DAB1: variants seen among roughly 807,000 people sequenced by gnomAD.
DAB1 encodes DAB adaptor protein 1.
Under a neutral mutation model 64.6 loss-of-function variants are expected in DAB1, and 15 were observed. The ratio of observed to expected loss-of-function variants is 0.23; its 90% CI spans 0.16 to 0.36. DAB1 has a LOEUF of 0.36. DAB1 is among the 10% of genes least tolerant of loss of function. The probability of loss-of-function intolerance (pLI) is 1.00; values close to 1 mark genes in which losing one functional copy is unlikely to be tolerated. For missense variants in DAB1, 596 were observed against 706.7 expected, an observed-to-expected ratio of 0.84 and a Z score of 1.78; for synonymous variants, 235 against 251.9, an observed-to-expected ratio of 0.93 and a Z score of 0.64.
chr1:57,703,055 C>A (rs1285900655), intron 6 of DAB1, among the ~76,000 whole-genome samples: 1 of 151,990 alleles, frequency 6.6e-6, no homozygotes, highest in Non-Finnish European at 1.5e-5. Context: ...AGATTAAGAA[C>A]TTAAATTTAA....
intron 5 of DAB1, among the ~76,000 whole-genome samples, chr1:58,080,791 G>A (rs766182534): frequency 3.3e-5 from 5 of 152,184 alleles, no homozygotes; most frequent in Non-Finnish European, 5.9e-5. Context: ...TCTGATTTGA[G>A]GAATGTTTGG....
intron 3 of DAB1, among the ~76,000 whole-genome samples, chr1:58,390,541 G>A (rs1157648570): frequency 1.3e-5 from 2 of 152,138 alleles, no homozygotes; most frequent in Non-Finnish European, 2.9e-5. Flanking sequence ...GGGGACGTGG[G>A]ATCAGTCTTA....
intron 4 of DAB1, among the ~76,000 whole-genome samples, chr1:58,320,101 C>T (rs1662648083): frequency 6.6e-6 from 1 of 152,230 alleles, no homozygotes. Flanking sequence ...AATCCACACT[C>T]TTCTGCCTGC....
At chr1:58,266,672 C>T (rs1319788198) in intron 4 of DAB1, among the ~76,000 whole-genome samples, 3 of 152,160 alleles carry the variant, frequency 2.0e-5, no homozygotes, top group Non-Finnish European at 4.4e-5. Flanking sequence ...TCCTAAGAAT[C>T]CTATGAATCC....
At chr1:57,763,281 A>C (rs980354310) in intron 6 of DAB1, among the ~76,000 whole-genome samples, 2 of 152,200 alleles carry the variant, frequency 1.3e-5, no homozygotes, top group African/African-American at 4.8e-5. Context: ...AGTAGGCAAG[A>C]GCTTGTGTAG....
At chr1:57,957,077 A>G (rs1446645788) in intron 5 of DAB1, among the ~76,000 whole-genome samples, 2 of 152,228 alleles carry the variant, frequency 1.3e-5, no homozygotes, top group Admixed American at 1.3e-4. Flanking sequence ...GGTCTGTTGG[A>G]AAATTTTGAA....
At chr1:57,108,681 A>AGAGTG (rs749907868) in intron 4 of DAB1, among the ~76,000 whole-genome samples, 2 of 152,218 alleles carry the variant, frequency 1.3e-5, no homozygotes, top group Non-Finnish European at 2.9e-5. Flanking sequence ...GAGGGTCAAG[A>AGAGTG]GAGTGGACTG....
chr1:57,283,775 T>C (rs1293846609), intron 2 of DAB1, among the ~76,000 whole-genome samples: 1 of 152,236 alleles, frequency 6.6e-6, no homozygotes, highest in Non-Finnish European at 1.5e-5. Context: ...TGGGATCTAC[T>C]GAGTGGAAGG....
At chr1:57,206,787 G>A (rs182947918) in intron 2 of DAB1, among the ~76,000 whole-genome samples, 84 of 152,212 alleles carry the variant, frequency 5.5e-4, no homozygotes, top group Admixed American at 2.3e-3. Flanking sequence ...GGACACAGGC[G>A]TTTTGGAGTC....
chr1:57,213,557 C>A (rs1034515243), intron 2 of DAB1, among the ~76,000 whole-genome samples: 1 of 152,164 alleles, frequency 6.6e-6, no homozygotes, highest in African/African-American at 2.4e-5. Flanking sequence ...AAAATGCTGG[C>A]TCCACCAGGC....
Position 57,832,021 on chromosome 1 carries a change from A to T in DAB1, n.88-5566T>A, listed in dbSNP as rs183424811. Among the ~76,000 whole-genome samples the T allele has an allele frequency of 1.7e-4, 26 of 152,342 alleles. No individual in the cohort carries two copies. In the East Asian group the frequency reaches 3.7e-3, roughly 21 times the overall value. On this transcript the variant is annotated intron_variant and non_coding_transcript_variant, in intron 1 of 1. Coordinates refer to the DAB1 transcript ENST00000477280. ...AAACAATAGGACAAACACATAATTAAATCATATATGCATATGTACGTGCAT... is the reference window on the plus strand; with the variant it reads ...AAACAATAGGACAAACACATAATTATATCATATATGCATATGTACGTGCAT...
intron 2 of DAB1, among the ~76,000 whole-genome samples, chr1:57,232,765 T>C (rs1316051161): frequency 6.6e-6 from 1 of 152,136 alleles, no homozygotes; most frequent in Non-Finnish European, 1.5e-5. Flanking sequence ...AGGCCTGGCA[T>C]TTGGGGAATG....
At chr1:57,300,713 C>G (rs762178038) in intron 1 of DAB1, among the ~76,000 whole-genome samples, 1 of 152,132 alleles carries the variant, frequency 6.6e-6, no homozygotes, top group African/African-American at 2.4e-5. Context: ...CAAGGAGGCC[C>G]GAAGAAAATC....
chr1:57,599,163 C>T (rs948563585), intron 7 of DAB1, among the ~76,000 whole-genome samples: 3 of 150,156 alleles, frequency 2.0e-5, no homozygotes, highest in Non-Finnish European at 4.4e-5. Context: ...TGATGCTTAC[C>T]GGTTGATTTG....
At chr1:58,249,750 C>T (rs1048780452) in intron 4 of DAB1, among the ~76,000 whole-genome samples, 12 of 151,980 alleles carry the variant, frequency 7.9e-5, no homozygotes, top group African/African-American at 1.2e-4. Flanking sequence ...TCAACTCGGC[C>T]TCGACTGGGG....
chr1:58,539,067 G>C (rs1050347212), intron 1 of DAB1: 2 of 872,702 alleles, frequency 2.3e-6, no homozygotes, highest in African/African-American at 3.3e-5. Context: ...CTGTTCTTTT[G>C]TTGTTAAAAG....
chr1:57,246,345 A>T (rs1369146763), intron 2 of DAB1, among the ~76,000 whole-genome samples: 4 of 152,210 alleles, frequency 2.6e-5, no homozygotes, highest in African/African-American at 9.7e-5. Context: ...AAAAGGGATG[A>T]AGGTACATCT....
intron 1 of DAB1, among the ~76,000 whole-genome samples, chr1:57,862,223 A>G (rs1222517787): frequency 6.6e-6 from 1 of 152,232 alleles, no homozygotes; most frequent in Non-Finnish European, 1.5e-5. Flanking sequence ...CTCATGAAAT[A>G]GATAGTATTA....
At chr1:57,716,236 A>G (rs981107925) in intron 6 of DAB1, among the ~76,000 whole-genome samples, 3 of 152,214 alleles carry the variant, frequency 2.0e-5, no homozygotes, top group African/African-American at 7.2e-5. Context: ...AATAGAAATA[A>G]AAAGAACCTT....
Sources: allele counts gnomAD v4.1 joint callset (sites outside exome capture counted in the v4.1 genomes callset), GRCh38; gene constraint gnomAD v4.1.1; transcripts MANE v1.5; gene names NCBI Gene and HGNC (gene_info 2026-07-23, HGNC 2026-07-21).